The following RBPJ variants were observed in gnomAD, a reference collection of about 807,000 sequenced individuals.
RBPJ encodes the protein recombination signal binding protein for immunoglobulin kappa J region.
A neutral mutation model predicts 67.8 loss-of-function variants in RBPJ; 9 were observed. The observed-to-expected ratio is 0.13, with a 90% CI of 0.08 to 0.23. The LOEUF (loss-of-function observed/expected upper bound fraction) is 0.23, where lower values mean the gene tolerates loss of function less well. Ranked by LOEUF, RBPJ falls within the 10% of genes least tolerant of loss-of-function variation. The pLI, the probability that RBPJ is intolerant of heterozygous loss-of-function variation, is 1.00. For missense variants in RBPJ, 305 were observed against 595.6 expected (o/e 0.51, Z 5.08); for synonymous variants, 198 against 203.3 (o/e 0.97, Z 0.22).
At chr4:26,215,879 A>G (rs919869256) in intron 1 of RBPJ, among the ~76,000 whole-genome samples, 1 of 152,166 alleles carries the variant, frequency 6.6e-6, no homozygotes, top group Non-Finnish European at 1.5e-5. Flanking sequence ...ATTGGGGGTG[A>G]GGGGCATGGC....
intron 1 of RBPJ, among the ~76,000 whole-genome samples, chr4:26,242,152 T>G (rs2109219941): frequency 6.6e-6 from 1 of 152,264 alleles, no homozygotes; most frequent in Non-Finnish European, 1.5e-5. Flanking sequence ...GCAGAGGTTC[T>G]GAGAGTGTGG....
intron 1 of RBPJ, among the ~76,000 whole-genome samples, chr4:26,353,970 G>A (rs1174972559): frequency 1.3e-5 from 2 of 148,496 alleles, no homozygotes; most frequent in African/African-American, 5.0e-5. Flanking sequence ...CGCTCTGTCC[G>A]CCCAGGCTGG....
At position 26,420,645 on chromosome 4, in the gene RBPJ, A is replaced by T. The variant is rs1161215655; in HGVS notation, c.416A>T (p.Asp139Val). The change falls in exon 5 of 11, where the codon GAC (aspartate) becomes GTC (valine). Residue 139 changes from aspartate to valine, a missense_variant. Transcript: ENST00000355476. ...AAGATGTTCTATGGCAACAGTGATG[A>T]CATTGGTGTGTTCCTCAGCAAGCGG... ...SVKMFYGNSDDIGVFLSKRIK... is the reference protein window; with the variant it reads ...SVKMFYGNSDVIGVFLSKRIK... 1.2e-6 allele frequency: 2 copies of T among 1,613,844 alleles called. No individual in the cohort carries two copies. The highest frequency in any genetic ancestry group is 1.3e-5 in the African/African-American group (1 of 74,948).
intron 1 of RBPJ, among the ~76,000 whole-genome samples, chr4:26,244,423 G>GTA (rs1486453165): frequency 1.5e-4 from 16 of 106,096 alleles, no homozygotes; most frequent in African/African-American, 3.7e-4. Context: ...ACATATGTGT[G>GTA]TATATATGTA....
chr4:26,165,683 G>GA (rs58616456), intron 1 of RBPJ, among the ~76,000 whole-genome samples: 3 of 150,322 alleles, frequency 2.0e-5, no homozygotes, highest in African/African-American at 7.3e-5. Context: ...AGGGGGTCCA[G>GA]AAAAAACATA....
chr4:26,240,279 G>C (rs1048793672), intron 1 of RBPJ, among the ~76,000 whole-genome samples: 1 of 152,180 alleles, frequency 6.6e-6, no homozygotes, highest in African/African-American at 2.4e-5. Flanking sequence ...ACTTCTGTTA[G>C]TTACTCTTCT....
intron 1 of RBPJ, among the ~76,000 whole-genome samples, chr4:26,336,254 T>C (rs1394074078): frequency 1.3e-5 from 2 of 152,226 alleles, no homozygotes; most frequent in East Asian, 3.8e-4. Context: ...CAAACTCTAG[T>C]TCTTTTCTTG....
intron 1 of RBPJ, chr4:26,322,405 C>T (rs1723180860): frequency 6.6e-6 from 1 of 152,072 alleles, no homozygotes; most frequent in Non-Finnish European, 1.5e-5. Flanking sequence ...GTAACTTCTG[C>T]CTCATAAGGA....
At chr4:26,359,045 T>C (rs1727725478) in intron 1 of RBPJ, among the ~76,000 whole-genome samples, 1 of 152,204 alleles carries the variant, frequency 6.6e-6, no homozygotes, top group South Asian at 2.1e-4. Flanking sequence ...GACAATCTTC[T>C]CTTAAGCTTT....
At chr4:26,203,733 A>G (rs1468694729) in intron 1 of RBPJ, among the ~76,000 whole-genome samples, 1 of 152,242 alleles carries the variant, frequency 6.6e-6, no homozygotes, top group African/African-American at 2.4e-5. Flanking sequence ...TCATCTCAAC[A>G]AAGTGAGGAG....
At chr4:26,176,675 C>T (rs1716804708) in intron 1 of RBPJ, among the ~76,000 whole-genome samples, 1 of 152,238 alleles carries the variant, frequency 6.6e-6, no homozygotes, top group African/African-American at 2.4e-5. Flanking sequence ...CGTATATAGG[C>T]AGTGGTAGAT....
intron 1 of RBPJ, chr4:26,362,611 C>G: frequency 1.2e-6 from 2 of 1,613,934 alleles, no homozygotes; most frequent in African/African-American, 2.7e-5. Flanking sequence ...CTTGAAGTAC[C>G]ATGGCGTGGA....
At chr4:26,372,814 C>T (rs574547027) in intron 1 of RBPJ, among the ~76,000 whole-genome samples, 6 of 152,314 alleles carry the variant, frequency 3.9e-5, no homozygotes, top group African/African-American at 1.4e-4. Flanking sequence ...AAGCAGCTTG[C>T]AGTTAGATCT....
At chr4:26,293,607 G>A (rs1443270784) in intron 1 of RBPJ, among the ~76,000 whole-genome samples, 1 of 150,516 alleles carries the variant, frequency 6.6e-6, no homozygotes, top group Non-Finnish European at 1.5e-5. Context: ...TAGTACTCCA[G>A]CCTGGGTGAC....
At chr4:26,302,230 C>G (rs1289369429) in intron 1 of RBPJ, among the ~76,000 whole-genome samples, 1 of 152,244 alleles carries the variant, frequency 6.6e-6, no homozygotes, top group African/African-American at 2.4e-5. Flanking sequence ...TTACCTCAAT[C>G]ATGGGTCCCA....
At chr4:26,217,735 T>A (rs1194318867) in intron 1 of RBPJ, among the ~76,000 whole-genome samples, 1 of 152,156 alleles carries the variant, frequency 6.6e-6, no homozygotes, top group Non-Finnish European at 1.5e-5. Flanking sequence ...GTATTTGGAA[T>A]TTTTATCCAA....
At chr4:26,195,608 T>G (rs538220952) in intron 1 of RBPJ, among the ~76,000 whole-genome samples, 69 of 152,294 alleles carry the variant, frequency 4.5e-4, no homozygotes, top group African/African-American at 1.5e-3. Context: ...TGGTTTTTGT[T>G]TTTTGAGACG....
chr4:26,232,816 A>G (rs2109207283), intron 1 of RBPJ, among the ~76,000 whole-genome samples: 1 of 152,304 alleles, frequency 6.6e-6, no homozygotes, highest in East Asian at 1.9e-4. Flanking sequence ...TCATTCCCTC[A>G]TTTGTAAATC....
chr4:26,382,723 A>G (rs1730449369), intron 1 of RBPJ, among the ~76,000 whole-genome samples: 1 of 151,956 alleles, frequency 6.6e-6, no homozygotes, highest in Non-Finnish European at 1.5e-5. Context: ...GTATTTTTAG[A>G]AGAGACGGGG....
Sources: allele counts gnomAD v4.1 joint callset (sites outside exome capture counted in the v4.1 genomes callset), GRCh38; gene constraint gnomAD v4.1.1; transcripts MANE v1.5; gene names NCBI Gene and HGNC (gene_info 2026-07-23, HGNC 2026-07-21).